The following DHDH variants were observed in gnomAD, a reference collection of about 807,000 sequenced individuals.
DHDH encodes the protein trans-1,2-dihydrobenzene-1,2-diol dehydrogenase.
DHDH carries 29 observed loss-of-function variants against 33.2 expected under a neutral mutation model. That is an observed-to-expected ratio of 0.87 (90% CI 0.65 to 1.19). The LOEUF (loss-of-function observed/expected upper bound fraction) is 1.19, where lower values mean the gene tolerates loss of function less well. Ranked by LOEUF, DHDH falls within the 50% of genes most tolerant of loss-of-function variation. DHDH has a pLI of 0.00. For missense variants in DHDH, 431 were observed against 455.0 expected, an observed-to-expected ratio of 0.95 and a Z score of 0.48; for synonymous variants, 201 against 187.9, an observed-to-expected ratio of 1.07 and a Z score of -0.57.
At position 48,936,272 on chromosome 19, in the gene DHDH, G is replaced by T. The variant is rs28534480; in HGVS notation, c.366+77G>T. 653 of 1,459,098 alleles carry T rather than the reference G, an allele frequency of 4.5e-4. 4 individuals carry two copies. The African/African-American group carries it at 7.9e-3, about 18-fold the overall frequency. The allele number at this position is 1,459,098 out of a possible 1,614,324, so 90.4% of individuals were successfully genotyped here. On this transcript the variant is annotated intron_variant, in intron 3 of 6. Transcript: ENST00000221403. ...AATATGGTTGCCAGTGCGCGGACGG[G>T]GTCAGTGCATTTGCCAGGATGTATC...
At chr19:48,933,347 G>A (rs978257557), upstream of DHDH, among the ~76,000 whole-genome samples, 1 of 152,102 alleles carries the variant, frequency 6.6e-6, no homozygotes, top group Non-Finnish European at 1.5e-5. Flanking sequence ...AAAAAAGTCA[G>A]GGCAAAGTTT....
rs144807999 is a variant in DHDH at position 48,942,537 on chromosome 19, C to T, written c.717C>T (p.Ser239=). 11,424 of 1,613,732 alleles carry T rather than the reference C, an allele frequency of 7.1e-3. 138 individuals are homozygous for T. The highest frequency in any genetic ancestry group is 0.032 in the Middle Eastern group (195 of 6,056). Residue 239 remains serine (S), a synonymous_variant, in exon 5 of 7, where the codon TCC becomes TCT. Transcript: ENST00000221403. ...CCGTGCAGCTCTCCAACACGGCCTC[C>T]GTGAGCGGCACCAAGGGCATGGTAC... is the stretch of plus-strand genomic sequence containing the variant. The part of the protein sequence containing the change: ...SITVQLSNTA[S]VSGTKGMVQL...
In DHDH at chr19:48,939,811, G is replaced by A. The variant is rs1026197343; in HGVS notation, c.619+110G>A. ...CAATGAGAATTAGATCAGACACCTA[G>A]AGGAACAACTTTCCATGAAGCCAGA... On this transcript the variant is annotated intron_variant, in intron 4 of 6. Coordinates refer to ENST00000221403, the MANE Select transcript of DHDH (RefSeq NM_014475.4). 13 of 1,441,508 alleles carry A rather than the reference G, an allele frequency of 9.0e-6. No homozygotes were observed. In the Admixed American group the frequency reaches 2.9e-4, roughly 33 times the overall value. The allele number at this position is 1,441,508 out of a possible 1,614,324, so 89.3% of individuals were successfully genotyped here.
chr19:48,938,508 T>A (rs1339783207), intron 3 of DHDH, among the ~76,000 whole-genome samples: 1 of 152,152 alleles, frequency 6.6e-6, no homozygotes, highest in Non-Finnish European at 1.5e-5. Context: ...TATGCCTCCT[T>A]TAAGGAGTTT....
rs750028411 is a variant in DHDH, at chr19:48,944,338, ACTT to A, written c.745-13_745-11del. On this transcript the variant is annotated splice_polypyrimidine_tract_variant and intron_variant, in intron 5 of 6. Coordinates refer to ENST00000221403, the MANE Select transcript of DHDH (RefSeq NM_014475.4). ...CACCGTTGGTGAAGGCAGCAGTGCC[ACTT>A]CTTCTCTCCCTCCAGCTCCTCAACC... The A allele has an allele frequency of 9.5e-5, 153 of 1,613,160 alleles. No individual in the cohort carries two copies. Among genetic ancestry groups the A allele is most frequent in the African/African-American group, 1.3e-4 (10 of 74,900 alleles).
At position 48,936,270 on chromosome 19, in the gene DHDH, G is replaced by A. The variant is rs180752218; in HGVS notation, c.366+75G>A. 3.0e-5 allele frequency: 44 copies of A among 1,466,044 alleles called. No individual in the cohort carries two copies. In the Admixed American group the frequency reaches 6.2e-4, roughly 21 times the overall value. The allele number at this position is 1,466,044 out of a possible 1,614,324, so 90.8% of individuals were successfully genotyped here. On this transcript the variant is annotated intron_variant, in intron 3 of 6. Coordinates refer to ENST00000221403, the MANE Select transcript of DHDH (RefSeq NM_014475.4). ...TAAATATGGTTGCCAGTGCGCGGAC[G>A]GGGTCAGTGCATTTGCCAGGATGTA...
rs149337461 is a variant in DHDH at position 48,938,770 on chromosome 19, C to T, written c.367-679C>T. On this transcript the variant is annotated intron_variant, in intron 3 of 6. Coordinates refer to ENST00000221403, the MANE Select transcript of DHDH (RefSeq NM_014475.4). ...AAGCAATTCTCCTGCCTCAGCTTCC[C>T]GAGTAGCTGGGACTACAGGCGTGCG... Among the ~76,000 whole-genome samples, 468 of 152,092 alleles carry T rather than the reference C, an allele frequency of 3.1e-3. 2 individuals are homozygous for T. Among genetic ancestry groups the T allele is most frequent in the African/African-American group, 0.011 (437 of 41,484 alleles).
At chr19:48,933,890 G>T in intron 1 of DHDH, 79 bp downstream of exon 1, 1 of 1,367,442 alleles carries the variant, frequency 7.3e-7, no homozygotes, top group South Asian at 1.2e-5. Flanking sequence ...GGAGTTTAGG[G>T]TTCAGGACTA....
At chr19:48,934,705 A>G (rs769622607) in intron 1 of DHDH, among the ~76,000 whole-genome samples, 8 of 146,566 alleles carry the variant, frequency 5.5e-5, no homozygotes, top group East Asian at 2.0e-4. Flanking sequence ...CCTTTTCTAC[A>G]TAGACACAGT....
chr19:48,943,031 G>A (rs1291815037), intron 5 of DHDH, among the ~76,000 whole-genome samples: 1 of 144,808 alleles, frequency 6.9e-6, no homozygotes. Flanking sequence ...TTCCAGCCTG[G>A]GTGATAAGAG....
intron 1 of DHDH, among the ~76,000 whole-genome samples, chr19:48,934,351 G>A (rs918719571): frequency 3.3e-5 from 5 of 152,198 alleles, no homozygotes; most frequent in South Asian, 2.1e-4. Context: ...TGGCCTCGTG[G>A]GAAAGGAAGA....
chr19:48,935,959 C>A, intron 2 of DHDH, 73 bp from the exon 3 acceptor site: 3 of 1,541,060 alleles, frequency 1.9e-6, no homozygotes, highest in Non-Finnish European at 2.6e-6. Context: ...AGGGCGGGGC[C>A]TCGAAGTTGT....
intron 1 of DHDH, among the ~76,000 whole-genome samples, chr19:48,934,319 C>T (rs952638875): frequency 2.0e-5 from 3 of 152,214 alleles, no homozygotes; most frequent in African/African-American, 7.2e-5. Context: ...AGGGTTTCCC[C>T]CCACTGAGAA....
Position 48,944,347 on chromosome 19 carries a change from C to G in DHDH, c.745-10C>G, listed in dbSNP as rs370021014. On this transcript the variant is annotated splice_polypyrimidine_tract_variant and intron_variant, in intron 5 of 6. Coordinates refer to ENST00000221403, the MANE Select transcript of DHDH (RefSeq NM_014475.4). ...TGAAGGCAGCAGTGCCACTTCTTCT[C>G]TCCCTCCAGCTCCTCAACCCCTGCT... 6.2e-7 allele frequency: 1 copy of G among 1,613,576 alleles called. No homozygotes were observed. Among genetic ancestry groups the G allele is most frequent in the Non-Finnish European group, 8.5e-7 (1 of 1,179,994 alleles).
chr19:48,933,471 A>G (rs548285082), upstream of DHDH, among the ~76,000 whole-genome samples: 1 of 152,292 alleles, frequency 6.6e-6, no homozygotes, highest in African/African-American at 2.4e-5. Context: ...CGACGAGCCT[A>G]AAGTCATAGG....
At chr19:48,942,362 C>G in intron 4 of DHDH, 78 bp from the exon 5 acceptor site, 1 of 1,391,802 alleles carries the variant, frequency 7.2e-7, no homozygotes. Context: ...CAAGGTTCCA[C>G]AGGCAGGATT....
chr19:48,937,160 G>C (rs887086634), intron 3 of DHDH, among the ~76,000 whole-genome samples: 3 of 125,370 alleles, frequency 2.4e-5, no homozygotes, highest in African/African-American at 1.3e-4. Flanking sequence ...CACAGACTCC[G>C]GGGATCATCA....
Position 48,939,584 on chromosome 19 carries a change from G to T in DHDH, c.502G>T (p.Ala168Ser), listed in dbSNP as rs1185343835. 6.2e-7 allele frequency: 1 copy of T among 1,608,262 alleles called. No individual in the cohort carries two copies. The highest frequency in any genetic ancestry group is 1.1e-5 in the South Asian group (1 of 90,526). Residue 168 changes from alanine to serine, a missense_variant, in exon 4 of 7, where the codon GCC becomes TCC. Physicochemically the swap from Ala to Ser is moderately conservative, Grantham distance 99. Coordinates refer to ENST00000221403, the MANE Select transcript of DHDH (RefSeq NM_014475.4). ...CCACGTTCCCCGGGCCGTAGACCGG[G>T]CCCAGGCTGGGGGGGCCCTGCTGGA... ...LIHVPRAVDR[A>S]QAGGALLDIG... is the part of the protein sequence containing the mutation.
chr19:48,939,034 G>A (rs935490392), intron 3 of DHDH, among the ~76,000 whole-genome samples: 3 of 152,140 alleles, frequency 2.0e-5, no homozygotes, highest in African/African-American at 7.2e-5. Context: ...AGAGGTACTA[G>A]GGAGTTAAGG....
Sources: gnomAD v4.1 joint callset for allele counts (sites outside exome capture counted in the v4.1 genomes callset) on GRCh38, gnomAD v4.1.1 for gene constraint, MANE v1.5 for transcripts, NCBI Gene and HGNC (gene_info 2026-07-23, HGNC 2026-07-21) for gene names.